CTNNBIP1: variants seen among roughly 807,000 people sequenced by gnomAD.
CTNNBIP1 encodes catenin beta interacting protein 1.
In CTNNBIP1, 7 loss-of-function variants were observed where a neutral mutation model predicts 11.8. That is an observed-to-expected ratio of 0.60 (90% CI 0.34 to 1.12). The LOEUF (loss-of-function observed/expected upper bound fraction) is 1.12. CTNNBIP1 is among the 50% of genes most tolerant of loss of function. The pLI, the probability that CTNNBIP1 is intolerant of heterozygous loss-of-function variation, is 0.03. For synonymous variants in CTNNBIP1, 58 were observed against 43.9 expected (o/e 1.32, Z -1.26); for missense variants, 101 against 113.4 (o/e 0.89, Z 0.50).
At chr1:9,855,675 C>A (rs918239344) in intron 5 of CTNNBIP1, among the ~76,000 whole-genome samples, 19 of 149,634 alleles carry the variant, frequency 1.3e-4, no homozygotes, top group African/African-American at 3.9e-4. Context: ...TTATAAAAAT[C>A]TTGGAAGAAA....
At chr1:9,861,614 G>A (rs1638627964) in intron 5 of CTNNBIP1, among the ~76,000 whole-genome samples, 1 of 152,240 alleles carries the variant, frequency 6.6e-6, no homozygotes, top group African/African-American at 2.4e-5. Context: ...AGGCTGCTGG[G>A]CGGTGGCACT....
intron 1 of CTNNBIP1, among the ~76,000 whole-genome samples, chr1:9,897,039 G>A (rs965985082): frequency 1.3e-5 from 2 of 152,104 alleles, no homozygotes; most frequent in East Asian, 3.9e-4. Context: ...CTACTCAGGA[G>A]GCTGAGGCAA....
Position 9,850,444 on chromosome 1 carries a change from A to C in CTNNBIP1, c.*274T>G, listed in dbSNP as rs1638356015. On this transcript the variant is annotated 3_prime_UTR_variant, in exon 6 of 6. Coordinates refer to ENST00000377263, the MANE Select transcript of CTNNBIP1 (RefSeq NM_020248.3). ...AAAAATAAGAGTCAGAAATAAAAATAAAAGGTTTCTGTTGGTCAAGATTTA... is the reference window on the plus strand; with the variant it reads ...AAAAATAAGAGTCAGAAATAAAAATCAAAGGTTTCTGTTGGTCAAGATTTA... The C allele has an allele frequency of 1.1e-5, 4 of 355,674 alleles. No homozygotes were observed. Among genetic ancestry groups the C allele is most frequent in the Admixed American group, 8.7e-5 (2 of 23,000 alleles). The allele number at this position is 355,674 out of a possible 1,614,324, so 22.0% of individuals were successfully genotyped here. A position where few individuals can be genotyped will look rare whatever the true frequency, so the allele number is the denominator to read the frequency against.
chr1:9,876,517 C>T (rs188229928), intron 3 of CTNNBIP1, among the ~76,000 whole-genome samples: 1 of 152,214 alleles, frequency 6.6e-6, no homozygotes, highest in Admixed American at 6.5e-5. Flanking sequence ...ACTCGGAGAC[C>T]GAGGCAGGAG....
intron 1 of CTNNBIP1, among the ~76,000 whole-genome samples, chr1:9,909,055 G>C (rs910806624): frequency 6.6e-6 from 1 of 152,228 alleles, no homozygotes; most frequent in Non-Finnish European, 1.5e-5. Flanking sequence ...AATGGCACAA[G>C]AGATCAGTTA....
At chr1:9,875,135 G>T (rs1252936620) in intron 3 of CTNNBIP1, among the ~76,000 whole-genome samples, 1 of 152,150 alleles carries the variant, frequency 6.6e-6, no homozygotes, top group African/African-American at 2.4e-5. Flanking sequence ...GGTTCGAGCC[G>T]ACCAGTCCTT....
rs535240430 is a variant in CTNNBIP1, at chr1:9,902,799, T to A, written c.-144+7296A>T. Among the ~76,000 whole-genome samples, 16 of 152,060 alleles carry A rather than the reference T, an allele frequency of 1.1e-4. No homozygotes were observed. The East Asian group carries it at 2.3e-3, about 22-fold the overall frequency. On this transcript the variant is annotated intron_variant, in intron 1 of 5. Coordinates refer to ENST00000377263, the MANE Select transcript of CTNNBIP1 (RefSeq NM_020248.3). ...CTTTTTTTTTGAGACAGAGTCTCAC[T>A]CTATTGCCCAGGCTGGAGTGCAATG... is the stretch of plus-strand genomic sequence containing the variant.
At chr1:9,860,259 C>T (rs1176664937) in intron 5 of CTNNBIP1, among the ~76,000 whole-genome samples, 6 of 152,004 alleles carry the variant, frequency 3.9e-5, no homozygotes, top group Non-Finnish European at 8.8e-5. Context: ...AGGGGAACTT[C>T]AGTCACAGAT....
At chr1:9,882,442 G>T (rs1639102760) in intron 2 of CTNNBIP1, among the ~76,000 whole-genome samples, 1 of 152,338 alleles carries the variant, frequency 6.6e-6, no homozygotes, top group East Asian at 1.9e-4. Context: ...ATGTGCGGCT[G>T]GGAGCCTGGA....
At position 9,895,187 on chromosome 1, in the gene CTNNBIP1, A is replaced by G. The variant is rs145717155; in HGVS notation, c.-143-11449T>C. Among the ~76,000 whole-genome samples, 779 of 145,068 alleles carry G rather than the reference A, an allele frequency of 5.4e-3. 11 individuals are homozygous for G. The highest frequency in any genetic ancestry group is 0.018 in the African/African-American group (716 of 38,940). On this transcript the variant is annotated intron_variant, in intron 1 of 5. Coordinates refer to ENST00000377263, the MANE Select transcript of CTNNBIP1 (RefSeq NM_020248.3). ...CTCCCGAAGTGCTGGGATTACAGGCATGAGCCACTGCACCCGGCCTGTTTT... is the reference window on the plus strand; with the variant it reads ...CTCCCGAAGTGCTGGGATTACAGGCGTGAGCCACTGCACCCGGCCTGTTTT...
At chr1:9,856,303 G>A (rs988377013) in intron 5 of CTNNBIP1, among the ~76,000 whole-genome samples, 1 of 151,894 alleles carries the variant, frequency 6.6e-6, no homozygotes, top group Non-Finnish European at 1.5e-5. Context: ...GAGCCTCCAC[G>A]CCTGGCAGGA....
chr1:9,862,336 G>A (rs142883551), intron 5 of CTNNBIP1, among the ~76,000 whole-genome samples: 130 of 152,282 alleles, frequency 8.5e-4, no homozygotes, highest in Middle Eastern at 3.4e-3. Context: ...TCCTGCCTCA[G>A]CCTCCCAAAG....
intron 1 of CTNNBIP1, among the ~76,000 whole-genome samples, chr1:9,906,531 C>T (rs1169072071): frequency 8.5e-5 from 13 of 152,056 alleles, no homozygotes; most frequent in Admixed American, 8.5e-4. Flanking sequence ...TGCACTCCAG[C>T]CTGGGCAACA....
At chr1:9,868,198 C>T (rs1239727109) in intron 5 of CTNNBIP1, among the ~76,000 whole-genome samples, 1 of 152,200 alleles carries the variant, frequency 6.6e-6, no homozygotes, top group Non-Finnish European at 1.5e-5. Flanking sequence ...CAGGGCGCCC[C>T]AGCAGCAGGG....
rs770955716 is a variant in CTNNBIP1, at chr1:9,867,346, C to T, written c.187+3841G>A. ...CCCAGGGTCTCCAGCACCTGCCTGGCTCCCCATAGATACTCAACAAATGTG... is the reference window on the plus strand; with the variant it reads ...CCCAGGGTCTCCAGCACCTGCCTGGTTCCCCATAGATACTCAACAAATGTG... On this transcript the variant is annotated intron_variant, in intron 5 of 5. Coordinates refer to ENST00000377263, the MANE Select transcript of CTNNBIP1 (RefSeq NM_020248.3). This position sits in a 1 kb window ranked among gnomAD's most constrained non-coding sequence, Gnocchi z 4.6. Among the ~76,000 whole-genome samples, 4 of 152,188 alleles carry T rather than the reference C, an allele frequency of 2.6e-5. No homozygotes were observed. Among genetic ancestry groups the T allele is most frequent in the Non-Finnish European group, 4.4e-5 (3 of 68,016 alleles).
At chr1:9,863,117 C>G (rs1638668204) in intron 5 of CTNNBIP1, among the ~76,000 whole-genome samples, 1 of 151,992 alleles carries the variant, frequency 6.6e-6, no homozygotes, top group African/African-American at 2.4e-5. Flanking sequence ...TCAAAGCGAC[C>G]CTCCCTGGAG....
intron 5 of CTNNBIP1, among the ~76,000 whole-genome samples, chr1:9,860,199 G>A (rs950405667): frequency 2.6e-5 from 4 of 152,102 alleles, no homozygotes; most frequent in Non-Finnish European, 5.9e-5. Context: ...GGCCCTGCAG[G>A]CTCCACAGAC....
chr1:9,861,872 T>C (rs1462837950), intron 5 of CTNNBIP1, among the ~76,000 whole-genome samples: 1 of 152,206 alleles, frequency 6.6e-6, no homozygotes, highest in Non-Finnish European at 1.5e-5. Flanking sequence ...AGTTTACTCA[T>C]CTGTACAACG....
intron 5 of CTNNBIP1, among the ~76,000 whole-genome samples, chr1:9,862,402 A>G (rs1051195737): frequency 6.6e-6 from 1 of 152,076 alleles, no homozygotes; most frequent in Non-Finnish European, 1.5e-5. Flanking sequence ...ATATTCTCAA[A>G]TTTTAGTGGG....
Sources: gnomAD v4.1 joint callset for allele counts (sites outside exome capture counted in the v4.1 genomes callset) on GRCh38, gnomAD v4.1.1 for gene constraint, Gnocchi (gnomAD v3.1) non-coding constraint, MANE v1.5 for transcripts, NCBI Gene and HGNC (gene_info 2026-07-23, HGNC 2026-07-21) for gene names.